The following SMAP1 variants were observed in gnomAD, a reference collection of about 807,000 sequenced individuals.
SMAP1 encodes small ArfGAP 1, also known as stromal membrane-associated protein 1.
A neutral mutation model predicts 58.5 loss-of-function variants in SMAP1; 24 were observed. The observed-to-expected ratio is 0.41, with a 90% CI of 0.30 to 0.58. SMAP1 has a LOEUF of 0.58. Ranked by LOEUF, SMAP1 falls within the 20% of genes least tolerant of loss-of-function variation. The pLI is 0.29. For missense variants in SMAP1, 563 were observed against 566.3 expected (o/e 0.99, Z 0.06); for synonymous variants, 216 against 196.6 (o/e 1.10, Z -0.82).
chr6:70,860,202 G>A lies in SMAP1; in HGVS notation c.1272G>A (p.Met424Ile). The A allele has an allele frequency of 6.2e-7, 1 of 1,606,040 alleles. No individual in the cohort carries two copies. Among genetic ancestry groups the A allele is most frequent in the Non-Finnish European group, 8.5e-7 (1 of 1,177,222 alleles). The part of the protein sequence containing the change: ...AQQPQWSLSQ[M>I]NQQMAGMSIS... ...TAAGCCTTTTATATGTTTCACAGAT[G>A]AATCAGCAGATGGCTGGCATGAGTA... is the stretch of plus-strand genomic sequence containing the variant. Residue 424 changes from methionine to isoleucine, a missense_variant and splice_region_variant, in exon 11 of 11, where the codon ATG (methionine) becomes ATA (isoleucine). Physicochemically the swap from Met to Ile is conservative, Grantham distance 10. This residue lies in a region of SMAP1 where 494 missense variants were observed against 473.8 expected (regional missense o/e 1.04). Transcript: ENST00000370455.
intron 1 of SMAP1, among the ~76,000 whole-genome samples, chr6:70,701,608 T>C (rs1195398977): frequency 6.6e-6 from 1 of 152,174 alleles, no homozygotes; most frequent in East Asian, 1.9e-4. Flanking sequence ...CCCAGCTGAT[T>C]TCTGCCCTGT....
intron 6 of SMAP1, among the ~76,000 whole-genome samples, chr6:70,816,925 A>C (rs1769654501): frequency 6.6e-6 from 1 of 152,088 alleles, no homozygotes; most frequent in South Asian, 2.1e-4. Context: ...ACAATTATAA[A>C]AGGGATAATA....
intron 6 of SMAP1, among the ~76,000 whole-genome samples, chr6:70,801,292 T>C (rs144311514): frequency 5.1e-4 from 77 of 152,348 alleles, no homozygotes; most frequent in African/African-American, 1.6e-3. Flanking sequence ...TTTTTTCATA[T>C]ATCTGTTGGC....
At chr6:70,826,105 G>A (rs1051784323) in intron 6 of SMAP1, among the ~76,000 whole-genome samples, 1 of 152,224 alleles carries the variant, frequency 6.6e-6, no homozygotes, top group Admixed American at 6.5e-5. Context: ...GCCAGCTACT[G>A]TGAAAGGGAC....
At chr6:70,769,135 A>T (rs976194990) in intron 3 of SMAP1, among the ~76,000 whole-genome samples, 34 of 152,030 alleles carry the variant, frequency 2.2e-4, no homozygotes, top group South Asian at 1.5e-3. Flanking sequence ...ATAATTTCTG[A>T]TCTTTTACAT....
intron 3 of SMAP1, among the ~76,000 whole-genome samples, chr6:70,760,895 C>T (rs1766719922): frequency 6.6e-6 from 1 of 152,010 alleles, no homozygotes; most frequent in African/African-American, 2.4e-5. Context: ...GCTGCATGTC[C>T]TAGTGCATGA....
chr6:70,792,693 T>C (rs948539942), intron 5 of SMAP1, among the ~76,000 whole-genome samples: 1 of 151,872 alleles, frequency 6.6e-6, no homozygotes, highest in African/African-American at 2.4e-5. Context: ...AGTGCAGTGT[T>C]TGGGGAGTTG....
At chr6:70,708,729 T>C (rs1767938915) in intron 1 of SMAP1, among the ~76,000 whole-genome samples, 1 of 152,228 alleles carries the variant, frequency 6.6e-6, no homozygotes, top group Non-Finnish European at 1.5e-5. Context: ...TGTTGAGTAC[T>C]TTCTGATATA....
At chr6:70,693,649 G>C (rs1278525663) in intron 1 of SMAP1, among the ~76,000 whole-genome samples, 3 of 152,006 alleles carry the variant, frequency 2.0e-5, no homozygotes, top group African/African-American at 7.3e-5. Context: ...GATTGCTTTG[G>C]GTAGTGTGGA....
At chr6:70,832,718 C>A (rs1473494646) in intron 6 of SMAP1, among the ~76,000 whole-genome samples, 1 of 152,174 alleles carries the variant, frequency 6.6e-6, no homozygotes, top group African/African-American at 2.4e-5. Context: ...AGCACTTGAA[C>A]AAGAGGGGGC....
At chr6:70,792,710 G>A (rs556424535) in intron 5 of SMAP1, among the ~76,000 whole-genome samples, 55 of 152,190 alleles carry the variant, frequency 3.6e-4, no homozygotes, top group Admixed American at 1.2e-3. Flanking sequence ...GTTGCAAGTA[G>A]AATGGCATAA....
chr6:70,802,444 C>T (rs1431550506), intron 6 of SMAP1, among the ~76,000 whole-genome samples: 2 of 152,192 alleles, frequency 1.3e-5, no homozygotes, highest in South Asian at 2.1e-4. Flanking sequence ...ATAATCATGT[C>T]ATCTGCAAAC....
chr6:70,810,209 C>T (rs1769326970), intron 6 of SMAP1, among the ~76,000 whole-genome samples: 1 of 152,024 alleles, frequency 6.6e-6, no homozygotes, highest in African/African-American at 2.4e-5. Flanking sequence ...TTCTGTGGGG[C>T]TCAGGCATGC....
intron 1 of SMAP1, among the ~76,000 whole-genome samples, chr6:70,680,712 G>GTTTTTTTTTTTTTTTTTTTTTTTTTTTT (rs34867967): frequency 2.5e-5 from 2 of 78,980 alleles, no homozygotes; most frequent in Non-Finnish European, 4.5e-5. Context: ...TGGATTTCCT[G>GTTTTTTTTTTTTTTTTTTTTTTTTTTTT]TTTTTTTTTT....
chr6:70,787,621 C>T (rs1373489851), intron 4 of SMAP1, among the ~76,000 whole-genome samples: 3 of 152,114 alleles, frequency 2.0e-5, no homozygotes, highest in African/African-American at 7.2e-5. Context: ...CAAACAACCC[C>T]ATCAAAAAGT....
chr6:70,729,596 TCTC>T (rs1765345973), intron 1 of SMAP1, among the ~76,000 whole-genome samples: 1 of 151,982 alleles, frequency 6.6e-6, no homozygotes, highest in Admixed American at 6.6e-5. Context: ...ATTCAATGGA[TCTC>T]CTGCAGTTTT....
Position 70,859,222 on chromosome 6 carries a change from T to C in SMAP1, c.1270-978T>C, listed in dbSNP as rs376051306. On this transcript the variant is annotated intron_variant, in intron 10 of 10. Coordinates refer to ENST00000370455, the MANE Select transcript of SMAP1 (RefSeq NM_001044305.3). ...TCTACCCGCTGGGAATCTAAAAAAT[T>C]GTATGTGCTAAGTGTCAGTCACATG... The C allele has an allele frequency of 1.2e-4, 84 of 683,584 alleles. No individual in the cohort carries two copies. In the East Asian group the frequency reaches 1.5e-3, roughly 12 times the overall value. 42.3% of individuals were successfully genotyped at this position (683,584 alleles called of 1,614,324 possible). A position where few individuals can be genotyped will look rare whatever the true frequency, so the allele number is the denominator to read the frequency against.
rs1018399449 is a variant in SMAP1 at position 70,823,229 on chromosome 6, G to A, written c.577-13712G>A. Among the ~76,000 whole-genome samples, 16 of 152,234 alleles carry A rather than the reference G, an allele frequency of 1.1e-4. No homozygotes were observed. The South Asian group carries it at 1.5e-3, about 14-fold the overall frequency. Reference sequence around the variant, plus strand: ...CTAGACATGATGTAGTGGGTGAAAGGAACTCAGATAAATAGGACTTTATTA... The same window carrying A: ...CTAGACATGATGTAGTGGGTGAAAGAAACTCAGATAAATAGGACTTTATTA... On this transcript the variant is annotated intron_variant, in intron 6 of 10. Transcript: ENST00000370455.
intron 6 of SMAP1, among the ~76,000 whole-genome samples, chr6:70,799,883 A>G (rs984899399): frequency 1.1e-4 from 17 of 152,314 alleles, no homozygotes; most frequent in African/African-American, 3.8e-4. Context: ...TACTCTTACC[A>G]TCAAAGTAAT....
Sources: gnomAD v4.1 joint callset for allele counts (sites outside exome capture counted in the v4.1 genomes callset) on GRCh38, gnomAD v4.1.1 for gene constraint, gnomAD v4.1.1 regional missense constraint, MANE v1.5 for transcripts, NCBI Gene and HGNC (gene_info 2026-07-23, HGNC 2026-07-21) for gene names.